SLC9C2: variants seen among roughly 807,000 people sequenced by gnomAD.
SLC9C2 encodes the protein solute carrier family 9 member C2 (putative).
SLC9C2 carries 75 observed loss-of-function variants against 140.2 expected under a neutral mutation model. The observed-to-expected ratio is 0.53, with a 90% CI of 0.44 to 0.65. The LOEUF (loss-of-function observed/expected upper bound fraction) is 0.65. Ranked by LOEUF, SLC9C2 falls within the 30% of genes least tolerant of loss-of-function variation. The pLI is 0.00. For synonymous variants in SLC9C2, 375 were observed against 420.9 expected (o/e 0.89, Z 1.34); for missense variants, 1,074 against 1,331.8 (o/e 0.81, Z 3.01).
chr1:173,598,923 A>G (rs1666598574), intron 3 of SLC9C2, among the ~76,000 whole-genome samples: 1 of 152,224 alleles, frequency 6.6e-6, no homozygotes. Context: ...GAATGAGTGG[A>G]GGCAAATTGT....
chr1:173,543,733 T>C (rs969610456), intron 13 of SLC9C2, among the ~76,000 whole-genome samples: 4 of 152,092 alleles, frequency 2.6e-5, no homozygotes, highest in African/African-American at 7.2e-5. Flanking sequence ...TTGACAAACC[T>C]GACAAAAACA....
At position 173,573,557 on chromosome 1, in the gene SLC9C2, GAAT is replaced by G. The variant is rs140852865; in HGVS notation, c.903-235_903-233del. Among the ~76,000 whole-genome samples the G allele has an allele frequency of 2.4e-3, 364 of 152,152 alleles. 1 individual carries two copies. The highest frequency in any genetic ancestry group is 8.1e-3 in the African/African-American group (336 of 41,492). ...TACCCATGGGCTGCTTCTCACAGTAGAATAATAAGAGCAAAGCAGAAAAATGAG... is the reference window on the plus strand; with the variant it reads ...TACCCATGGGCTGCTTCTCACAGTAGAATAAGAGCAAAGCAGAAAAATGAG... On this transcript the variant is annotated intron_variant, in intron 8 of 27. Coordinates refer to ENST00000367714, the MANE Select transcript of SLC9C2 (RefSeq NM_178527.4).
At chr1:173,538,634 C>T (rs1207197756) in intron 13 of SLC9C2, among the ~76,000 whole-genome samples, 3 of 152,058 alleles carry the variant, frequency 2.0e-5, no homozygotes, top group African/African-American at 7.3e-5. Flanking sequence ...GAGAGAGTTT[C>T]TCTTGGAGGA....
rs112692259 is a variant in SLC9C2 at position 173,540,430 on chromosome 1, G to A, written c.1558-3391C>T. Reference sequence around the variant, plus strand: ...ACGCTGACTAAAACAGGAAAAATCAGTATCAATTGTGGAGAGCCTCCAGAA... The same window carrying A: ...ACGCTGACTAAAACAGGAAAAATCAATATCAATTGTGGAGAGCCTCCAGAA... On this transcript the variant is annotated intron_variant, in intron 13 of 27. Transcript: ENST00000367714. 2.1e-4 allele frequency among the ~76,000 whole-genome samples: 32 copies of A among 152,322 alleles called. 1 individual carries two copies. The highest frequency in any genetic ancestry group is 7.2e-4 in the African/African-American group (30 of 41,566).
At chr1:173,559,153 C>A (rs926653689) in intron 9 of SLC9C2, among the ~76,000 whole-genome samples, 1 of 152,204 alleles carries the variant, frequency 6.6e-6, no homozygotes. Context: ...GAAATGTTAA[C>A]TTTCAAATGG....
At chr1:173,545,629 G>A (rs1251315947) in intron 13 of SLC9C2, among the ~76,000 whole-genome samples, 11 of 152,142 alleles carry the variant, frequency 7.2e-5, no homozygotes. Flanking sequence ...CCTCTCGCCT[G>A]GATTGCAGAT....
chr1:173,529,798 A>G, intron 18 of SLC9C2, 107 bp downstream of exon 18: 1 of 1,250,290 alleles, frequency 8.0e-7, no homozygotes, highest in Non-Finnish European at 1.1e-6. Flanking sequence ...ATCCCTTTCA[A>G]CTGTTGGAAT....
chr1:173,564,458 G>A (rs1197481905), intron 9 of SLC9C2, among the ~76,000 whole-genome samples: 1 of 152,096 alleles, frequency 6.6e-6, no homozygotes, highest in Non-Finnish European at 1.5e-5. Context: ...GATCAATGAC[G>A]TTGGGCACAT....
intron 3 of SLC9C2, among the ~76,000 whole-genome samples, chr1:173,599,361 G>GGTT (rs1558103752): frequency 2.0e-5 from 1 of 50,380 alleles, no homozygotes; most frequent in African/African-American, 7.5e-5. Flanking sequence ...CATTTTCCTT[G>GGTT]ATTTTTTTTT....
intron 10 of SLC9C2, 63 bp from the exon 11 acceptor site, chr1:173,554,877 A>C: frequency 3.2e-6 from 3 of 943,780 alleles, no homozygotes; most frequent in Non-Finnish European, 5.0e-6. Context: ...AAAAGCAATC[A>C]TTGTTCAATT....
chr1:173,574,761 T>C (rs1482242208), intron 8 of SLC9C2, among the ~76,000 whole-genome samples: 2 of 152,024 alleles, frequency 1.3e-5, no homozygotes, highest in Non-Finnish European at 2.9e-5. Flanking sequence ...TCGCCCGTCT[T>C]GGCCTCCCAA....
At chr1:173,599,918 T>C (rs1424593706) in intron 3 of SLC9C2, among the ~76,000 whole-genome samples, 199 bp downstream of exon 3, 3 of 152,176 alleles carry the variant, frequency 2.0e-5, no homozygotes, top group African/African-American at 7.2e-5. Flanking sequence ...TTTCCTCTTA[T>C]TACTGCTTTT....
chr1:173,538,721 G>C (rs1411627466), intron 13 of SLC9C2, among the ~76,000 whole-genome samples: 6 of 152,136 alleles, frequency 3.9e-5, no homozygotes. Flanking sequence ...GCAGAGTGAA[G>C]AAAGAGGTAG....
chr1:173,601,735 A>G lies in SLC9C2; in HGVS notation c.42T>C (p.Pro14=). ...CAGCTGGCTGCCCGCAGAGTAAATC[A>G]GGTCTGTTACTTTCATTTTGTGCCC... is the stretch of plus-strand genomic sequence containing the variant. ...YFWAQNESNR[P]DLLCGQPADY... Residue 14 remains proline (P), a synonymous_variant, in exon 2 of 28, where the codon CCT becomes CCC. Coordinates refer to ENST00000367714, the MANE Select transcript of SLC9C2 (RefSeq NM_178527.4). 2 of 1,614,152 alleles carry G rather than the reference A, an allele frequency of 1.2e-6. No homozygotes were observed. Among genetic ancestry groups the G allele is most frequent in the Non-Finnish European group, 1.7e-6 (2 of 1,179,992 alleles).
chr1:173,523,801 G>C (rs1011418693), intron 21 of SLC9C2, among the ~76,000 whole-genome samples, 168 bp downstream of exon 21: 1 of 152,120 alleles, frequency 6.6e-6, no homozygotes, highest in African/African-American at 2.4e-5. Flanking sequence ...TGCCCTTTAG[G>C]CTCAAAAAGA....
chr1:173,587,440 A>G (rs570557374), intron 5 of SLC9C2, among the ~76,000 whole-genome samples: 3 of 152,124 alleles, frequency 2.0e-5, no homozygotes, highest in East Asian at 1.9e-4. Context: ...AAAATGAAAA[A>G]CTTCCTTGGA....
chr1:173,521,116 T>C (rs1660776554), intron 22 of SLC9C2, among the ~76,000 whole-genome samples, 185 bp downstream of exon 22: 1 of 152,336 alleles, frequency 6.6e-6, no homozygotes, highest in Middle Eastern at 3.4e-3. Flanking sequence ...CAGCATTTTG[T>C]AGAATGGGAA....
intron 9 of SLC9C2, among the ~76,000 whole-genome samples, chr1:173,572,858 A>G (rs1664921288): frequency 6.6e-6 from 1 of 152,238 alleles, no homozygotes; most frequent in Non-Finnish European, 1.5e-5. Context: ...TAACATGCAT[A>G]CAAACTACCT....
At position 173,600,194 on chromosome 1, in the gene SLC9C2, TC is replaced by T; in HGVS notation, c.150del (p.Asn51IlefsTer7). 2 of 1,611,918 alleles carry T rather than the reference TC, an allele frequency of 1.2e-6. No homozygotes were observed. Among genetic ancestry groups the T allele is most frequent in the Non-Finnish European group, 1.7e-6 (2 of 1,178,908 alleles). ...VLGGLLKMCL[K>X]NCEVIVLTIL... ...ATCGTCAAAACAATGACTTCACAATTCTTTAAACACATCTTCAAAAGCCCTA... is the reference window on the plus strand; with the variant it reads ...ATCGTCAAAACAATGACTTCACAATTTTTAAACACATCTTCAAAAGCCCTA... On this transcript the variant is annotated frameshift_variant, in exon 3 of 28. Coordinates refer to ENST00000367714, the MANE Select transcript of SLC9C2 (RefSeq NM_178527.4). LOFTEE classifies it high-confidence loss of function.
Sources: gnomAD v4.1 joint callset for allele counts (sites outside exome capture counted in the v4.1 genomes callset) on GRCh38, gnomAD v4.1.1 for gene constraint, MANE v1.5 for transcripts, NCBI Gene and HGNC (gene_info 2026-07-23, HGNC 2026-07-21) for gene names.